The following FBXL7 variants were observed in gnomAD, a reference collection of about 807,000 sequenced individuals.
The protein encoded by FBXL7 is F-box and leucine rich repeat protein 7.
Under a neutral mutation model 38.3 loss-of-function variants are expected in FBXL7, and 12 were observed. The ratio of observed to expected loss-of-function variants is 0.31; its 90% CI spans 0.20 to 0.51. The LOEUF is 0.51. FBXL7 is among the 20% of genes least tolerant of loss of function. The pLI is 0.98. For missense variants in FBXL7, 567 were observed against 676.4 expected (o/e 0.84, Z 1.79); for synonymous variants, 297 against 300.9 (o/e 0.99, Z 0.13).
intron 2 of FBXL7, among the ~76,000 whole-genome samples, chr5:15,889,246 A>T (rs545199691): frequency 6.6e-6 from 1 of 152,318 alleles, no homozygotes; most frequent in African/African-American, 2.4e-5. Flanking sequence ...AAAGATTCAC[A>T]GGCTGAGAGA....
At chr5:15,688,547 C>G (rs551308300) in intron 2 of FBXL7, among the ~76,000 whole-genome samples, 1 of 152,282 alleles carries the variant, frequency 6.6e-6, no homozygotes, top group South Asian at 2.1e-4. Flanking sequence ...TCTAGTAACT[C>G]AAACCATGCT....
At chr5:15,724,727 G>C (rs1237853591) in intron 2 of FBXL7, among the ~76,000 whole-genome samples, 1 of 152,070 alleles carries the variant, frequency 6.6e-6, no homozygotes, top group Non-Finnish European at 1.5e-5. Flanking sequence ...ATGAATATTG[G>C]ATGTTTTTAG....
chr5:15,568,364 A>C (rs1738656489), intron 1 of FBXL7, among the ~76,000 whole-genome samples: 1 of 152,010 alleles, frequency 6.6e-6, no homozygotes, highest in South Asian at 2.1e-4. Flanking sequence ...GCATTTTTTC[A>C]TGTGTCTTTT....
chr5:15,841,544 C>T (rs990955112), intron 2 of FBXL7, among the ~76,000 whole-genome samples: 1 of 152,048 alleles, frequency 6.6e-6, no homozygotes, highest in African/African-American at 2.4e-5. Flanking sequence ...TGATGTTGAA[C>T]CACCTTCTTG....
At chr5:15,664,936 C>G (rs1287641328) in intron 2 of FBXL7, among the ~76,000 whole-genome samples, 1 of 151,306 alleles carries the variant, frequency 6.6e-6, no homozygotes, top group Non-Finnish European at 1.5e-5. Context: ...GATGTTTTCA[C>G]AGGTATAGGA....
intron 2 of FBXL7, among the ~76,000 whole-genome samples, chr5:15,685,980 C>T (rs1561084977): frequency 6.6e-6 from 1 of 152,084 alleles, no homozygotes; most frequent in Non-Finnish European, 1.5e-5. Context: ...ACAACAGTCC[C>T]GGGGGGAGAC....
chr5:15,531,636 C>CT (rs1250012424), intron 1 of FBXL7, among the ~76,000 whole-genome samples: 1 of 152,186 alleles, frequency 6.6e-6, no homozygotes, highest in Non-Finnish European at 1.5e-5. Context: ...TCCTATTACT[C>CT]TGAGTGGTTT....
intron 1 of FBXL7, among the ~76,000 whole-genome samples, chr5:15,544,092 A>T (rs1737834703): frequency 6.6e-6 from 1 of 152,232 alleles, no homozygotes; most frequent in Non-Finnish European, 1.5e-5. Flanking sequence ...TGAGTGCAGA[A>T]CTGCCTCTGA....
chr5:15,620,852 G>A (rs1387730662), intron 2 of FBXL7, among the ~76,000 whole-genome samples: 2 of 152,166 alleles, frequency 1.3e-5, no homozygotes, highest in Non-Finnish European at 2.9e-5. Flanking sequence ...ATTGGTTTTG[G>A]TTTCTTTTCT....
At chr5:15,623,213 C>T (rs1740709467) in intron 2 of FBXL7, among the ~76,000 whole-genome samples, 1 of 152,094 alleles carries the variant, frequency 6.6e-6, no homozygotes, top group Non-Finnish European at 1.5e-5. Context: ...ATCCTTTGGC[C>T]CAAGACCATT....
intron 1 of FBXL7, among the ~76,000 whole-genome samples, chr5:15,588,135 G>T (rs1008355606): frequency 2.0e-5 from 3 of 152,122 alleles, no homozygotes; most frequent in African/African-American, 7.2e-5. Flanking sequence ...CATTATGTCT[G>T]GTGTACAGTT....
intron 1 of FBXL7, among the ~76,000 whole-genome samples, chr5:15,573,129 G>C (rs10085170): frequency 0.37 from 55,674 of 151,984 alleles, 10,367 homozygotes; most frequent in African/African-American, 0.42. Context: ...TTTGTTTACT[G>C]CAGGTGTTTG....
intron 1 of FBXL7, among the ~76,000 whole-genome samples, chr5:15,600,637 G>A (rs1739762400): frequency 6.6e-6 from 1 of 152,166 alleles, no homozygotes. Flanking sequence ...AACATAGCGG[G>A]ATCTTAAAAT....
chr5:15,858,786 T>C (rs1309651856), intron 2 of FBXL7, among the ~76,000 whole-genome samples: 2 of 152,206 alleles, frequency 1.3e-5, no homozygotes, highest in African/African-American at 4.8e-5. Flanking sequence ...TAAAATCTAA[T>C]ATAGAACCAT....
intron 2 of FBXL7, among the ~76,000 whole-genome samples, chr5:15,635,440 C>G (rs1471944129): frequency 1.3e-5 from 2 of 152,180 alleles, no homozygotes; most frequent in Non-Finnish European, 2.9e-5. Flanking sequence ...GACACAGCAT[C>G]ATTTCTGCCA....
chr5:15,670,760 C>T (rs2126596789), intron 2 of FBXL7, among the ~76,000 whole-genome samples: 1 of 151,984 alleles, frequency 6.6e-6, no homozygotes, highest in Non-Finnish European at 1.5e-5. Context: ...AAGATCATGC[C>T]ACTGCACTTC....
intron 2 of FBXL7, among the ~76,000 whole-genome samples, chr5:15,810,629 A>G (rs1248762678): frequency 6.6e-6 from 1 of 151,928 alleles, no homozygotes; most frequent in African/African-American, 2.4e-5. Flanking sequence ...CCACAATTGC[A>G]AATTTTTTAT....
chr5:15,730,948 A>G (rs1345591784), intron 2 of FBXL7, among the ~76,000 whole-genome samples: 3 of 152,214 alleles, frequency 2.0e-5, no homozygotes, highest in Admixed American at 1.3e-4. Flanking sequence ...TTGAAACTCC[A>G]TGCCTATCAT....
chr5:15,539,578 C>T (rs1737678889), intron 1 of FBXL7, among the ~76,000 whole-genome samples: 2 of 152,096 alleles, frequency 1.3e-5, no homozygotes, highest in South Asian at 4.2e-4. Flanking sequence ...CTCTTGGTCC[C>T]CTAGAAGAGA....
Sources: gnomAD v4.1 joint callset for allele counts (sites outside exome capture counted in the v4.1 genomes callset) on GRCh38, gnomAD v4.1.1 for gene constraint, MANE v1.5 for transcripts, NCBI Gene and HGNC (gene_info 2026-07-23, HGNC 2026-07-21) for gene names.